The following SDK1 variants were observed in gnomAD, a reference collection of about 807,000 sequenced individuals.
SDK1 encodes sidekick cell adhesion molecule 1.
A neutral mutation model predicts 245.5 loss-of-function variants in SDK1; 157 were observed. The ratio of observed to expected loss-of-function variants is 0.64; its 90% CI spans 0.56 to 0.73. The LOEUF (loss-of-function observed/expected upper bound fraction) is 0.73, where lower values mean the gene tolerates loss of function less well. Among genes scored for constraint, SDK1 ranks in the 30% least tolerant of loss-of-function variants. SDK1 has a pLI of 0.00. For synonymous variants in SDK1, 1,647 were observed against 1,278.5 expected, an observed-to-expected ratio of 1.29 and a Z score of -6.15; for missense variants, 3,583 against 3,002.3, an observed-to-expected ratio of 1.19 and a Z score of -4.52.
At chr7:3,436,222 A>G (rs1780018364) in intron 1 of SDK1, among the ~76,000 whole-genome samples, 1 of 152,088 alleles carries the variant, frequency 6.6e-6, no homozygotes, top group Non-Finnish European at 1.5e-5. Context: ...TTTAGACCCA[A>G]TTTGCATTTC....
intron 4 of SDK1, among the ~76,000 whole-genome samples, chr7:3,665,004 A>C (rs1039945519): frequency 6.6e-6 from 1 of 152,240 alleles, no homozygotes; most frequent in Non-Finnish European, 1.5e-5. Flanking sequence ...AACTTTGAGT[A>C]GGCTCTTCTG....
chr7:3,372,200 G>C lies in SDK1; in HGVS notation c.298+70316G>C, dbSNP rs142335348. Among the ~76,000 whole-genome samples, 25 of 152,112 alleles carry C rather than the reference G, an allele frequency of 1.6e-4. No homozygotes were observed. In the East Asian group the frequency reaches 4.8e-3, roughly 29 times the overall value. ...TCTGACTTTGAAGGGAGAGAGTCTG[G>C]AGCAGTGCGAAGTCTTACAGCTTCC... is the stretch of plus-strand genomic sequence containing the variant. On this transcript the variant is annotated intron_variant, in intron 1 of 44. Coordinates refer to ENST00000404826, the MANE Select transcript of SDK1 (RefSeq NM_152744.4).
chr7:3,620,419 C>T (rs771106785), intron 2 of SDK1, among the ~76,000 whole-genome samples: 67 of 152,040 alleles, frequency 4.4e-4, no homozygotes, highest in Non-Finnish European at 5.1e-4. Context: ...TCTCCTGCCT[C>T]AGCCTCCCAA....
intron 4 of SDK1, among the ~76,000 whole-genome samples, chr7:3,769,405 C>A (rs1007376397): frequency 2.6e-5 from 4 of 152,072 alleles, no homozygotes; most frequent in African/African-American, 9.7e-5. Flanking sequence ...TCTCTTCTTA[C>A]AAAGCCACAA....
chr7:3,820,938 G>GA (rs1779628695), intron 4 of SDK1, among the ~76,000 whole-genome samples: 2 of 152,340 alleles, frequency 1.3e-5, no homozygotes, highest in South Asian at 4.1e-4. Context: ...AAGTTAAGTT[G>GA]AAGGGGGGCA....
intron 4 of SDK1, among the ~76,000 whole-genome samples, chr7:3,660,376 T>C (rs1783314432): frequency 6.6e-6 from 1 of 150,628 alleles, no homozygotes; most frequent in Non-Finnish European, 1.5e-5. Context: ...AGGACTTGAA[T>C]TCCAGCACTA....
At chr7:3,762,250 G>A (rs1029925398) in intron 4 of SDK1, among the ~76,000 whole-genome samples, 1 of 152,096 alleles carries the variant, frequency 6.6e-6, no homozygotes, top group Non-Finnish European at 1.5e-5. Context: ...GTCTCCTATG[G>A]GACGTACTGG....
chr7:3,320,287 T>TTCC (rs1554257153), intron 1 of SDK1, among the ~76,000 whole-genome samples: 1 of 151,282 alleles, frequency 6.6e-6, no homozygotes, highest in East Asian at 1.9e-4. Flanking sequence ...TCTATTTTTT[T>TTCC]CCCCCTATCT....
At chr7:4,091,384 C>A (rs1328878663) in intron 22 of SDK1, among the ~76,000 whole-genome samples, 3 of 143,546 alleles carry the variant, frequency 2.1e-5, no homozygotes, top group African/African-American at 8.1e-5. Context: ...ACTCTGTCAC[C>A]CAGGCTGGAG....
At chr7:3,827,613 A>G (rs1779809855) in intron 5 of SDK1, among the ~76,000 whole-genome samples, 1 of 152,254 alleles carries the variant, frequency 6.6e-6, no homozygotes, top group Admixed American at 6.5e-5. Context: ...TTCATTACAA[A>G]TAACTTGATA....
At chr7:3,592,481 C>A (rs1780909115) in intron 1 of SDK1, among the ~76,000 whole-genome samples, 1 of 152,224 alleles carries the variant, frequency 6.6e-6, no homozygotes, top group Non-Finnish European at 1.5e-5. Context: ...CCTTTTCTTT[C>A]TCTCTACCTC....
intron 5 of SDK1, 56 bp downstream of exon 5, chr7:3,821,639 C>A: frequency 6.3e-7 from 1 of 1,577,934 alleles, no homozygotes; most frequent in South Asian, 1.2e-5. Context: ...TTGCTTTAAT[C>A]AGTAACCACT....
At chr7:4,107,236 C>T (rs1179530791) in intron 22 of SDK1, among the ~76,000 whole-genome samples, 1 of 151,354 alleles carries the variant, frequency 6.6e-6, no homozygotes, top group African/African-American at 2.5e-5. Flanking sequence ...CGCAGTGCAG[C>T]TTGGGGTCTT....
intron 4 of SDK1, among the ~76,000 whole-genome samples, chr7:3,713,488 G>C (rs78684644): frequency 6.6e-6 from 1 of 152,294 alleles, no homozygotes; most frequent in East Asian, 1.9e-4. Flanking sequence ...TTCTTGCCTT[G>C]AGTGTCTTAG....
At chr7:3,457,131 G>A (rs1174435160) in intron 1 of SDK1, among the ~76,000 whole-genome samples, 1 of 152,144 alleles carries the variant, frequency 6.6e-6, no homozygotes, top group Non-Finnish European at 1.5e-5. Context: ...TGGTGCCACT[G>A]TGCTTACTTG....
intron 19 of SDK1, among the ~76,000 whole-genome samples, chr7:4,057,618 A>C (rs1779282674): frequency 6.6e-6 from 1 of 152,064 alleles, no homozygotes; most frequent in Non-Finnish European, 1.5e-5. Context: ...CTAGAATGCC[A>C]AGAATGAGCC....
intron 1 of SDK1, among the ~76,000 whole-genome samples, chr7:3,570,801 T>C (rs995772435): frequency 2.6e-5 from 4 of 152,132 alleles, no homozygotes; most frequent in Non-Finnish European, 5.9e-5. Context: ...TACTCTCTTT[T>C]AGCACAAATT....
intron 1 of SDK1, among the ~76,000 whole-genome samples, chr7:3,523,390 A>C (rs1312559962): frequency 2.6e-5 from 4 of 152,180 alleles, no homozygotes; most frequent in African/African-American, 4.8e-5. Flanking sequence ...TGTAGTTTCC[A>C]AAGTAGTCTA....
intron 7 of SDK1, among the ~76,000 whole-genome samples, chr7:3,952,447 G>T (rs1326700251): frequency 2.6e-5 from 4 of 152,110 alleles, no homozygotes; most frequent in Non-Finnish European, 5.9e-5. Context: ...GCTGGGCGCA[G>T]TGGCGGGCGC....
Sources: allele counts gnomAD v4.1 joint callset (sites outside exome capture counted in the v4.1 genomes callset), GRCh38; gene constraint gnomAD v4.1.1; transcripts MANE v1.5; gene names NCBI Gene and HGNC (gene_info 2026-07-23, HGNC 2026-07-21).